GTF3A: variants seen among roughly 807,000 people sequenced by gnomAD.
GTF3A encodes transcription factor IIIA.
A neutral mutation model predicts 37.6 loss-of-function variants in GTF3A; 40 were observed. The observed-to-expected ratio is 1.06, with a 90% CI of 0.83 to 1.38. The LOEUF (loss-of-function observed/expected upper bound fraction) is 1.38. Among genes scored for constraint, GTF3A ranks in the 40% most tolerant of loss-of-function variants. GTF3A has a pLI of 0.00. For synonymous variants in GTF3A, 191 were observed against 166.7 expected (o/e 1.15, Z -1.12); for missense variants, 500 against 462.6 (o/e 1.08, Z -0.74).
chr13:27,427,749 G>A (rs988159040), intron 2 of GTF3A, among the ~76,000 whole-genome samples: 3 of 151,440 alleles, frequency 2.0e-5, no homozygotes, highest in Admixed American at 1.3e-4. Flanking sequence ...TTGTAAAGAA[G>A]TCTTAAAAGT....
At chr13:27,433,320 AT>A (rs137955568) in intron 5 of GTF3A, among the ~76,000 whole-genome samples, 15,814 of 145,220 alleles carry the variant, frequency 0.11, 1,077 homozygotes, top group Non-Finnish European at 0.15. Flanking sequence ...AGAATTTATG[AT>A]TTTTTTTTTT....
rs569939770 is a variant in GTF3A, at chr13:27,435,198, T to G, written c.933+6T>G. ...AGAAGAAAATGAAGCTCAAAGTAAG[T>G]TGAAACTACTTAGGCAAGCTTAGTT... is the stretch of plus-strand genomic sequence containing the variant. On this transcript the variant is annotated splice_donor_region_variant and intron_variant, in intron 8 of 8. Transcript: ENST00000381140. The G allele has an allele frequency of 1.9e-6, 3 of 1,592,318 alleles. No individual in the cohort carries two copies. Among genetic ancestry groups the G allele is most frequent in the Non-Finnish European group, 2.6e-6 (3 of 1,171,790 alleles).
chr13:27,427,225 T>G (rs761488540), intron 2 of GTF3A, 33 bp downstream of exon 2: 5 of 980,698 alleles, frequency 5.1e-6, no homozygotes, highest in Non-Finnish European at 8.1e-6. Flanking sequence ...GCTTTTGAAG[T>G]GGGTTGTGTT....
At chr13:27,431,739 C>T (rs1283030068) in intron 4 of GTF3A, among the ~76,000 whole-genome samples, 4 of 152,106 alleles carry the variant, frequency 2.6e-5, no homozygotes, top group South Asian at 2.1e-4. Flanking sequence ...GATTCATCCA[C>T]GTAACGAAAA....
In GTF3A at chr13:27,424,859, TCTG is replaced by T; in HGVS notation, c.125_127del (p.Cys42del). On this transcript the variant is annotated inframe_deletion, in exon 1 of 9. Transcript: ENST00000381140. ...CGCCCCGCGCTTCCCAGGAGGTTCA[TCTG>T]CTCCTTCCCTGACTGCAGCGCCAAT... is the stretch of plus-strand genomic sequence containing the variant. 1 of 1,550,266 alleles carries T rather than the reference TCTG, an allele frequency of 6.5e-7. No individual in the cohort carries two copies. The highest frequency in any genetic ancestry group is 8.7e-7 in the Non-Finnish European group (1 of 1,146,440).
chr13:27,435,256 TC>T, intron 8 of GTF3A, 64 bp downstream of exon 8: 1 of 1,320,576 alleles, frequency 7.6e-7, no homozygotes, highest in South Asian at 1.3e-5. Flanking sequence ...CCAGAAGGAG[TC>T]TGTTTGGAAT....
rs535468403 is a variant in GTF3A at position 27,424,721 on chromosome 13, T to C, written c.-17T>C. On this transcript the variant is annotated 5_prime_UTR_variant, in exon 1 of 9. Coordinates refer to ENST00000381140, the MANE Select transcript of GTF3A (RefSeq NM_002097.3). The stretch of plus-strand genomic sequence containing the variant: ...CGTGGCAGCGCGCCTGGCCCTGGGC[T>C]TGGAGGCGCCGGCGCCCTGGATCCG... 9.0e-5 allele frequency: 129 copies of C among 1,427,008 alleles called. 2 individuals carry two copies. The South Asian group carries it at 1.7e-3, about 19-fold the overall frequency. 88.4% of individuals were successfully genotyped at this position (1,427,008 alleles called of 1,614,324 possible).
chr13:27,429,733 C>T, intron 2 of GTF3A, 137 bp from the exon 3 acceptor site: 1 of 536,294 alleles, frequency 1.9e-6, no homozygotes, highest in Middle Eastern at 4.8e-4. Flanking sequence ...GCTTAACACT[C>T]TGGAATTCGC....
At chr13:27,425,226 G>A (rs1953594864) in intron 1 of GTF3A, 1 of 393,644 alleles carries the variant, frequency 2.5e-6, no homozygotes. Context: ...GTTTGAGGGG[G>A]CCCACCGCTA....
chr13:27,433,525 A>G (rs1268358665), intron 5 of GTF3A, among the ~76,000 whole-genome samples: 17 of 45,226 alleles, frequency 3.8e-4, no homozygotes, highest in Admixed American at 8.2e-4. Flanking sequence ...AAAAAAAAAA[A>G]ACAAAAAAAA....
At position 27,435,580 on chromosome 13, in the gene GTF3A, G is replaced by GTACT. The variant is rs1252215855; in HGVS notation, c.1085_1088dup (p.Leu364TyrfsTer37). 1.9e-6 allele frequency: 3 copies of GTACT among 1,613,678 alleles called. No individual in the cohort carries two copies. The East Asian group carries it at 6.7e-5, about 36-fold the overall frequency. The stretch of plus-strand genomic sequence containing the variant: ...AGACAAGATGCTCTCGACAGTTGCA[G>GTACT]TACTTACCCTTGGCTAAGAACTGCA... On this transcript the variant is annotated frameshift_variant, in exon 9 of 9. Transcript: ENST00000381140. LOFTEE classifies it high-confidence loss of function.
Position 27,435,650 on chromosome 13 carries a change from CAG to C in GTF3A, c.*56_*57del. 1 of 1,611,962 alleles carries C rather than the reference CAG, an allele frequency of 6.2e-7. No individual in the cohort carries two copies. ...GCAGACCAAGGAGCGAGCTTTCTCTCAGAGCATGCTTTTCTTTATTAAAATTA... is the reference window on the plus strand; with the variant it reads ...GCAGACCAAGGAGCGAGCTTTCTCTCAGCATGCTTTTCTTTATTAAAATTA... On this transcript the variant is annotated 3_prime_UTR_variant, in exon 9 of 9. Coordinates refer to ENST00000381140, the MANE Select transcript of GTF3A (RefSeq NM_002097.3).
chr13:27,429,785 C>A, intron 2 of GTF3A, 85 bp from the exon 3 acceptor site: 1 of 631,524 alleles, frequency 1.6e-6, no homozygotes. Context: ...GAAGAATTAG[C>A]TTCTATAAAG....
rs1451210014 is a variant in GTF3A at position 27,435,606 on chromosome 13, C to G, written c.*9C>G. 1 of 1,612,330 alleles carries G rather than the reference C, an allele frequency of 6.2e-7. No individual in the cohort carries two copies. On this transcript the variant is annotated 3_prime_UTR_variant, in exon 9 of 9. Coordinates refer to ENST00000381140, the MANE Select transcript of GTF3A (RefSeq NM_002097.3). ...TACTTACCCTTGGCTAAGAACTGCA[C>G]TGCTTTGTTTAAAGGACTGCAGACC...
At chr13:27,434,361 T>C (rs1396186743) in intron 6 of GTF3A, 142 bp downstream of exon 6, 4 of 671,094 alleles carry the variant, frequency 6.0e-6, no homozygotes, top group Non-Finnish European at 8.2e-6. Context: ...GGTATGATGT[T>C]GTTGGAAAGG....
chr13:27,435,465 C>T lies in GTF3A; in HGVS notation c.966C>T (p.Ala322=). 3 of 1,613,128 alleles carry T rather than the reference C, an allele frequency of 1.9e-6. No individual in the cohort carries two copies. Among genetic ancestry groups the T allele is most frequent in the Non-Finnish European group, 8.5e-7 (1 of 1,179,498 alleles). Residue 322 remains alanine, a synonymous_variant, in exon 9 of 9, where the codon GCC becomes GCT. Transcript: ENST00000381140. ...AATCTCGTGAAAAACGGAGTTTGGC[C>T]TCTCATCTCAGTGGATATATCCCTC...
At position 27,430,524 on chromosome 13, in the gene GTF3A, A is replaced by AT; in HGVS notation, c.400-6dup. The AT allele has an allele frequency of 6.4e-7, 1 of 1,573,366 alleles. No homozygotes were observed. On this transcript the variant is annotated splice_polypyrimidine_tract_variant and intron_variant, in intron 3 of 8. Coordinates refer to ENST00000381140, the MANE Select transcript of GTF3A (RefSeq NM_002097.3). ...TCCATAAGACTAACGAGCCTTTACAATTTAACAGTGCAGTTTTGAAGACTG... is the reference window on the plus strand; with the variant it reads ...TCCATAAGACTAACGAGCCTTTACAATTTTAACAGTGCAGTTTTGAAGACTG...
At chr13:27,426,843 A>G (rs2296072) in intron 1 of GTF3A, among the ~76,000 whole-genome samples, 13,642 of 152,206 alleles carry the variant, frequency 0.09, 1,447 homozygotes, top group African/African-American at 0.25. Flanking sequence ...TAAAAATGCT[A>G]TGCCTGCTTA....
At position 27,435,567 on chromosome 13, in the gene GTF3A, C is replaced by T. The variant is rs753736648; in HGVS notation, c.1068C>T (p.Leu356=). 3 of 1,613,582 alleles carry T rather than the reference C, an allele frequency of 1.9e-6. No homozygotes were observed. The highest frequency in any genetic ancestry group is 2.5e-6 in the Non-Finnish European group (3 of 1,179,706). ...CCAACTGTGTGGAAGACAAGATGCT[C>T]TCGACAGTTGCAGTACTTACCCTTG... The change falls in exon 9 of 9, where the codon CTC becomes CTT. Residue 356 remains leucine (L), a synonymous_variant. Transcript: ENST00000381140.
Sources: allele counts gnomAD v4.1 joint callset (sites outside exome capture counted in the v4.1 genomes callset), GRCh38; gene constraint gnomAD v4.1.1; transcripts MANE v1.5; gene names NCBI Gene and HGNC (gene_info 2026-07-23, HGNC 2026-07-21).